NOTCH1: variants seen among roughly 807,000 people sequenced by gnomAD.
NOTCH1 encodes notch receptor 1, also known as neurogenic locus notch homolog protein 1.
NOTCH1 carries 37 observed loss-of-function variants against 254.8 expected under a neutral mutation model. The observed-to-expected ratio is 0.15, with a 90% CI of 0.11 to 0.19. The LOEUF is 0.19. NOTCH1 is among the 10% of genes least tolerant of loss of function. NOTCH1 has a pLI of 1.00. For synonymous variants in NOTCH1, 1,731 were observed against 1,618.1 expected (o/e 1.07, Z -1.68); for missense variants, 2,972 against 3,708.6 (o/e 0.80, Z 5.16).
chr9:136,522,846 C>G lies in NOTCH1; in HGVS notation c.742+4G>C. On this transcript the variant is annotated splice_donor_region_variant and intron_variant, in intron 4 of 33. Transcript: ENST00000651671. ...CGTGCACCCCGGCCAGCGGGCAGCA[C>G]TACCTGGCAGGCAGGCACACTCGTG... 1.3e-6 allele frequency: 2 copies of G among 1,489,356 alleles called. No individual in the cohort carries two copies. The highest frequency in any genetic ancestry group is 8.9e-7 in the Non-Finnish European group (1 of 1,119,462). The allele number at this position is 1,489,356 out of a possible 1,614,324, so 92.3% of individuals were successfully genotyped here. A position where few individuals can be genotyped will look rare whatever the true frequency, so the allele number is the denominator to read the frequency against.
Position 136,504,881 on chromosome 9 carries a change from C to G in NOTCH1, c.4810G>C (p.Val1604Leu), listed in dbSNP as rs763765573. The G allele has an allele frequency of 6.3e-7, 1 of 1,585,274 alleles. No individual in the cohort carries two copies. Among genetic ancestry groups the G allele is most frequent in the Non-Finnish European group, 8.6e-7 (1 of 1,166,276 alleles). Residue 1604 changes from valine to leucine, a missense_variant, in exon 26 of 34, where the codon GTG (valine) becomes CTG (leucine). This residue lies in a region of NOTCH1 where 1,343 missense variants were observed against 1,557.0 expected (regional missense o/e 0.86). Coordinates refer to ENST00000651671, the MANE Select transcript of NOTCH1 (RefSeq NM_017617.5). ...CCGTGTGCGTCACGCTTGAAGACCA[C>G]GTTGGTGTGCAGCACGCGGCTGAGC... ...RELSRVLHTN[V>L]VFKRDAHGQQ... is the part of the protein sequence containing the mutation.
chr9:136,544,494 G>GC (rs1046734330), intron 1 of NOTCH1, among the ~76,000 whole-genome samples: 1 of 152,194 alleles, frequency 6.6e-6, no homozygotes, highest in Admixed American at 6.5e-5. Context: ...GCAGGGCAGG[G>GC]CCCCCCATCC....
chr9:136,505,672 C>T lies in NOTCH1; in HGVS notation c.4224G>A (p.Glu1408=). 6.2e-7 allele frequency: 1 copy of T among 1,611,192 alleles called. No homozygotes were observed. The highest frequency in any genetic ancestry group is 8.5e-7 in the Non-Finnish European group (1 of 1,178,914). ...GGCACAGGCAACGGTAGAAGGGGCTCTCGGATGTGGGCTCACAGGTCCCCT... is the reference window on the plus strand; with the variant it reads ...GGCACAGGCAACGGTAGAAGGGGCTTTCGGATGTGGGCTCACAGGTCCCCT... The part of the protein sequence containing the change: ...YNQGTCEPTS[E]SPFYRCLCPA... Residue 1408 remains glutamate, a synonymous_variant, in exon 25 of 34, where the codon GAG becomes GAA. Coordinates refer to ENST00000651671, the MANE Select transcript of NOTCH1 (RefSeq NM_017617.5).
intron 2 of NOTCH1, among the ~76,000 whole-genome samples, chr9:136,542,709 G>A (rs573488264): frequency 7.2e-4 from 109 of 151,972 alleles, no homozygotes; most frequent in African/African-American, 2.5e-3. Flanking sequence ...CTGGGCAGTC[G>A]GCACAGGCAG....
chr9:136,506,870 G>T lies in NOTCH1; in HGVS notation c.3747C>A (p.Gly1249=). 6.2e-7 allele frequency: 1 copy of T among 1,611,382 alleles called. No homozygotes were observed. The highest frequency in any genetic ancestry group is 8.5e-7 in the Non-Finnish European group (1 of 1,179,328). Residue 1249 remains glycine (G), a synonymous_variant, in exon 23 of 34, where the codon GGC becomes GGA. Coordinates refer to ENST00000651671, the MANE Select transcript of NOTCH1 (RefSeq NM_017617.5). This position sits in a 1 kb window ranked among gnomAD's most constrained non-coding sequence, Gnocchi z 4.5. The part of the protein sequence containing the change: ...FNNGTCVDQV[G]GYSCTCPPGF... ...CCGGCGGGCAGGTGCAGCTGTAGCC[G>T]CCCACCTGGTCCACGCAGGTGCCGT...
rs761508282 is a variant in NOTCH1, at chr9:136,508,288, G to C, written c.3269C>G (p.Thr1090Ser). 32 of 1,612,816 alleles carry C rather than the reference G, an allele frequency of 2.0e-5. No individual in the cohort carries two copies. The highest frequency in any genetic ancestry group is 2.5e-5 in the Non-Finnish European group (29 of 1,179,992). The stretch of plus-strand genomic sequence containing the variant: ...GCTGGGCACGTCGCAGTAAAGGCCG[G>C]TCCAGCCGCTGGGGCACTCGCAGCG... ...QYRCECPSGW[T>S]GLYCDVPSVS... The change falls in exon 20 of 34, where the codon ACC (threonine) becomes AGC (serine). Residue 1090 changes from threonine to serine, a missense_variant. By Grantham distance (58) the Thr-to-Ser change is moderately conservative. Coordinates refer to ENST00000651671, the MANE Select transcript of NOTCH1 (RefSeq NM_017617.5).
chr9:136,507,033 C>A (rs2133344619), intron 22 of NOTCH1, 60 bp from the exon 23 acceptor site: 2 of 1,575,000 alleles, frequency 1.3e-6, no homozygotes, highest in Non-Finnish European at 1.7e-6. Context: ...TGCCGTGCCG[C>A]GTGTCCGTCC....
In NOTCH1 at chr9:136,502,503, G is replaced by C. The variant is rs1422578873; in HGVS notation, c.5168-15C>G. On this transcript the variant is annotated splice_polypyrimidine_tract_variant and intron_variant, in intron 27 of 33. Transcript: ENST00000651671. ...CACGGTCTCACCTGCGGGCACGGGGGCCAGGGGCAGGTGCCCGGACATCAG... is the reference window on the plus strand; with the variant it reads ...CACGGTCTCACCTGCGGGCACGGGGCCCAGGGGCAGGTGCCCGGACATCAG... 2.0e-6 allele frequency: 3 copies of C among 1,490,402 alleles called. No homozygotes were observed. The highest frequency in any genetic ancestry group is 2.7e-6 in the Non-Finnish European group (3 of 1,120,056). The allele number at this position is 1,490,402 out of a possible 1,614,324, so 92.3% of individuals were successfully genotyped here.
chr9:136,505,248 C>A (rs1843062216), intron 25 of NOTCH1, 62 bp downstream of exon 25: 2 of 1,537,386 alleles, frequency 1.3e-6, no homozygotes, highest in Non-Finnish European at 1.8e-6. Flanking sequence ...GGCCTCCGGG[C>A]CCAAGCCAGG....
rs926643780 is a variant in NOTCH1, at chr9:136,506,884, C to T, written c.3733G>A (p.Val1245Met). The change falls in exon 23 of 34, where the codon GTG (valine) becomes ATG (methionine). Residue 1245 changes from valine to methionine, a missense_variant. Val to Met is a conservative substitution (Grantham distance 21, BLOSUM62 1). Transcript: ENST00000651671. This position sits in a 1 kb window ranked among gnomAD's most constrained non-coding sequence, Gnocchi z 4.5. ...CAGCTGTAGCCGCCCACCTGGTCCA[C>T]GCAGGTGCCGTTGTTAAAGCACTTG... Reference protein sequence around the residue: ...SPKCFNNGTCVDQVGGYSCTC... With the variant: ...SPKCFNNGTCMDQVGGYSCTC... 7 of 1,611,346 alleles carry T rather than the reference C, an allele frequency of 4.3e-6. No individual in the cohort carries two copies. The highest frequency in any genetic ancestry group is 5.1e-6 in the Non-Finnish European group (6 of 1,179,320).
chr9:136,514,401 G>A (rs999295055), intron 13 of NOTCH1, 109 bp downstream of exon 13: 19 of 1,258,320 alleles, frequency 1.5e-5, no homozygotes, highest in South Asian at 1.2e-4. Flanking sequence ...AGCCCCGTCC[G>A]AGGCCCGTTT....
rs187473846 is a variant in NOTCH1, at chr9:136,523,752, G to C, written c.368C>G (p.Thr123Arg). 1 of 1,610,804 alleles carries C rather than the reference G, an allele frequency of 6.2e-7. No homozygotes were observed. The highest frequency in any genetic ancestry group is 8.5e-7 in the Non-Finnish European group (1 of 1,179,430). The change falls in exon 3 of 34, where the codon ACG (threonine) becomes AGG (arginine). Residue 123 changes from threonine to arginine, a missense_variant. Thr to Arg is a moderately conservative substitution (Grantham distance 71). This residue lies in a region of NOTCH1 where 374 missense variants were observed against 496.3 expected (regional missense o/e 0.75). Transcript: ENST00000651671. ...NGGTCDLLTLTEYKCRCPPGW... is the reference protein window; with the variant it reads ...NGGTCDLLTLREYKCRCPPGW... ...GGGCGGGCAGCGGCACTTGTACTCC[G>C]TCAGCGTGAGCAGGTCGCAGGTGCC...
chr9:136,534,234 G>T (rs1275524964), intron 2 of NOTCH1, among the ~76,000 whole-genome samples: 1 of 152,202 alleles, frequency 6.6e-6, no homozygotes, highest in Non-Finnish European at 1.5e-5. Flanking sequence ...GGCGAGACTG[G>T]CCTCCTGTGC....
At chr9:136,528,474 AGCAGGGACAGTGCGGGGAATGG>A (rs1843508068) in intron 2 of NOTCH1, among the ~76,000 whole-genome samples, 1 of 14,866 alleles carries the variant, frequency 6.7e-5, no homozygotes, top group African/African-American at 2.5e-4. Flanking sequence ...GTTGGGGATG[AGCAGGGACAGTGCGGGGAATGG>A]GCAGGGACAG....
At chr9:136,515,868 G>A (rs990786723) in intron 10 of NOTCH1, 113 bp downstream of exon 10, 23 of 1,144,948 alleles carry the variant, frequency 2.0e-5, no homozygotes, top group East Asian at 1.0e-4. Flanking sequence ...CTGTGCTCTC[G>A]GCCTCTGGAC....
chr9:136,503,538 G>A (rs759937912), intron 26 of NOTCH1, among the ~76,000 whole-genome samples: 1 of 152,160 alleles, frequency 6.6e-6, no homozygotes, highest in Non-Finnish European at 1.5e-5. Flanking sequence ...TGCTGATCAC[G>A]GCTCATCCCA....
At position 136,500,735 on chromosome 9, in the gene NOTCH1, G is replaced by T. The variant is rs752199771; in HGVS notation, c.5751C>A (p.Gly1917=). 4 of 1,607,718 alleles carry T rather than the reference G, an allele frequency of 2.5e-6. No homozygotes were observed. The highest frequency in any genetic ancestry group is 3.4e-6 in the Non-Finnish European group (4 of 1,179,884). ...GGTCTGTCTGGTTGTGCAGGCTGGC[G>T]CCCTGGTAGATGAAGTCGGAGATGA... The part of the protein sequence containing the change: ...PAVISDFIYQ[G]ASLHNQTDRT... Residue 1917 remains glycine, a synonymous_variant, in exon 31 of 34, where the codon GGC becomes GGA. Transcript: ENST00000651671.
In NOTCH1 at chr9:136,505,715, C is replaced by T. The variant is rs1329672903; in HGVS notation, c.4181G>A (p.Gly1394Asp). 2.5e-6 allele frequency: 4 copies of T among 1,599,696 alleles called. No homozygotes were observed. The highest frequency in any genetic ancestry group is 3.4e-6 in the Non-Finnish European group (4 of 1,171,514). Residue 1394 changes from glycine (G) to aspartate (D), a missense_variant, in exon 25 of 34, where the codon GGC becomes GAC. Physicochemically the swap from Gly to Asp is moderately conservative, Grantham distance 94. Transcript: ENST00000651671. ...GGTCCCCTGGTTGTAGCAGGGGTTG[C>T]CGCCCAGGCAGGGGCTGCTGGCCGG... ...QFPASSPCLG[G>D]NPCYNQGTCE...
In NOTCH1 at chr9:136,518,141, C is replaced by A. The variant is rs764212360; in HGVS notation, c.1251G>T (p.Ser417=). Residue 417 remains serine, a synonymous_variant, in exon 7 of 34, where the codon TCG becomes TCT. Transcript: ENST00000651671. ...PACSQDVDEC[S]LGANPCEHAG... is the part of the protein sequence containing the mutation. ...ACCCCCTGTGCTGGCACCTACCCAG[C>A]GAGCACTCATCCACGTCCTGGCTGC... 1.9e-6 allele frequency: 3 copies of A among 1,586,852 alleles called. No individual in the cohort carries two copies. The highest frequency in any genetic ancestry group is 1.7e-6 in the Non-Finnish European group (2 of 1,167,526).
Sources: gnomAD v4.1 joint callset for allele counts (sites outside exome capture counted in the v4.1 genomes callset) on GRCh38, gnomAD v4.1.1 for gene constraint, gnomAD v4.1.1 regional missense constraint, Gnocchi (gnomAD v3.1) non-coding constraint, MANE v1.5 for transcripts, NCBI Gene and HGNC (gene_info 2026-07-23, HGNC 2026-07-21) for gene names.